Variants in POF1B observed in about 807,000 individuals in gnomAD.
POF1B encodes the protein POF1B actin binding protein.
POF1B carries 53 observed loss-of-function variants against 55.3 expected under a neutral mutation model. That is an observed-to-expected ratio of 0.96 (90% CI 0.77 to 1.20). POF1B has a LOEUF of 1.20. POF1B is among the 50% of genes most tolerant of loss of function. The pLI, the probability that POF1B is intolerant of heterozygous loss-of-function variation, is 0.00. For missense variants in POF1B, 478 were observed against 420.5 expected (o/e 1.14, Z -1.20); for synonymous variants, 188 against 148.3 (o/e 1.27, Z -1.95).
rs548655630 is a variant in POF1B at position 85,372,669 on chromosome X, C to T, written c.283-4903G>A. Among the ~76,000 whole-genome samples the T allele has an allele frequency of 2.6e-3, 274 of 105,077 alleles. 1 individual carries two copies. The highest frequency in any genetic ancestry group is 4.7e-3 in the Non-Finnish European group (242 of 51,543). 91.2% of individuals were successfully genotyped at this position (105,077 alleles called of 115,157 possible). On this transcript the variant is annotated intron_variant, in intron 2 of 16. Coordinates refer to ENST00000262753, the MANE Select transcript of POF1B (RefSeq NM_024921.4). Reference sequence around the variant, plus strand: ...AGCAAACCACCATTGCCCGTTTATACCTATGTAACAAAACTGCCCTTTCTG... The same window carrying T: ...AGCAAACCACCATTGCCCGTTTATATCTATGTAACAAAACTGCCCTTTCTG...
Position 85,379,482 on chromosome X carries a change from C to T in POF1B, c.-28G>A, listed in dbSNP as rs1170512367. Reference sequence around the variant, plus strand: ...TCTTCCAGTGGTCAGCAAGGGACCTCCCAGATGTTCTACCTAAGGAACAAA... The same window carrying T: ...TCTTCCAGTGGTCAGCAAGGGACCTTCCAGATGTTCTACCTAAGGAACAAA... On this transcript the variant is annotated 5_prime_UTR_variant, in exon 2 of 17. Transcript: ENST00000262753. 8.4e-7 allele frequency: 1 copy of T among 1,194,177 alleles called. No homozygotes were observed. Among genetic ancestry groups the T allele is most frequent in the Non-Finnish European group, 1.1e-6 (1 of 887,326 alleles).
chrX:85,356,010 A>G (rs1293400446), intron 4 of POF1B, among the ~76,000 whole-genome samples: 4 of 111,370 alleles, frequency 3.6e-5, no homozygotes, highest in Non-Finnish European at 7.5e-5. Context: ...ACATGCACAC[A>G]TATGTTTATT....
intron 7 of POF1B, among the ~76,000 whole-genome samples, chrX:85,327,763 A>T (rs1292810353): frequency 8.9e-6 from 1 of 112,394 alleles, no homozygotes; most frequent in African/African-American, 3.2e-5. Flanking sequence ...TTTGCATTTA[A>T]AAGATACTAA....
chrX:85,294,507 G>T (rs1427729408), intron 15 of POF1B, among the ~76,000 whole-genome samples: 3 of 111,851 alleles, frequency 2.7e-5, no homozygotes, highest in African/African-American at 6.5e-5. Flanking sequence ...TGCTTATGTG[G>T]TGAATCACAT....
At chrX:85,369,505 T>A (rs1464012867) in intron 2 of POF1B, among the ~76,000 whole-genome samples, 2 of 111,809 alleles carry the variant, frequency 1.8e-5, no homozygotes, top group African/African-American at 6.5e-5. Context: ...TTTACATATA[T>A]ACCTATGTAT....
At chrX:85,335,371 G>A (rs1454138195) in intron 6 of POF1B, among the ~76,000 whole-genome samples, 1 of 111,336 alleles carries the variant, frequency 9.0e-6, no homozygotes, top group Non-Finnish European at 1.9e-5. Flanking sequence ...TGTGGTGACA[G>A]TTTTGGATGT....
intron 4 of POF1B, among the ~76,000 whole-genome samples, chrX:85,357,516 T>C (rs138184312): frequency 1.8e-5 from 2 of 111,189 alleles, no homozygotes; most frequent in East Asian, 5.7e-4. Context: ...CCTCCATAAG[T>C]ATACCAAAAC....
At chrX:85,315,897 A>T (rs1370650483) in intron 7 of POF1B, among the ~76,000 whole-genome samples, 163 bp from the exon 8 acceptor site, 3 of 111,672 alleles carry the variant, frequency 2.7e-5, no homozygotes, top group African/African-American at 9.7e-5. Context: ...TGGCACTTTT[A>T]CTTAGTTTGA....
intron 6 of POF1B, among the ~76,000 whole-genome samples, chrX:85,336,550 G>A (rs1340930494): frequency 9.0e-6 from 1 of 111,132 alleles, no homozygotes; most frequent in African/African-American, 3.3e-5. Flanking sequence ...GCATTTCTCT[G>A]ATGATCAATG....
chrX:85,328,881 A>G (rs190252979), intron 7 of POF1B, among the ~76,000 whole-genome samples: 2 of 110,445 alleles, frequency 1.8e-5, no homozygotes, highest in Admixed American at 9.6e-5. Flanking sequence ...TGTGACATGA[A>G]CCCAGGATAT....
chrX:85,347,148 C>T (rs187353294), intron 5 of POF1B, among the ~76,000 whole-genome samples: 1 of 111,006 alleles, frequency 9.0e-6, no homozygotes, highest in East Asian at 2.9e-4. Context: ...GCTTTCTTAT[C>T]TTGTGATTAT....
intron 4 of POF1B, among the ~76,000 whole-genome samples, chrX:85,359,215 T>C (rs757487775): frequency 9.0e-6 from 1 of 111,316 alleles, no homozygotes; most frequent in East Asian, 2.8e-4. Flanking sequence ...AGCTTTTATG[T>C]GAAGCTTGTA....
At chrX:85,367,787 G>A in intron 2 of POF1B, 21 bp from the exon 3 acceptor site, 1 of 1,015,755 alleles carries the variant, frequency 9.8e-7, no homozygotes, top group Non-Finnish European at 1.3e-6. Context: ...AAACAAAAGG[G>A]AGTTCAGAAA....
chrX:85,297,739 CTT>C (rs1443561890), intron 15 of POF1B, among the ~76,000 whole-genome samples: 3 of 111,789 alleles, frequency 2.7e-5, no homozygotes, highest in African/African-American at 9.8e-5. Context: ...GGTAGCCCCA[CTT>C]GATCACTGGC....
intron 2 of POF1B, 46 bp from the exon 3 acceptor site, chrX:85,367,812 T>A (rs1933753413): frequency 1.2e-6 from 1 of 831,308 alleles, no homozygotes; most frequent in Non-Finnish European, 1.7e-6. Flanking sequence ...TTGAAAGTCT[T>A]AAGTTCTCAT....
intron 3 of POF1B, among the ~76,000 whole-genome samples, chrX:85,365,324 C>A (rs750403711): frequency 1.8e-5 from 2 of 111,873 alleles, no homozygotes; most frequent in East Asian, 5.6e-4. Context: ...AGGACATAAG[C>A]CACTCTGGCC....
chrX:85,371,441 A>T (rs944994031), intron 2 of POF1B, among the ~76,000 whole-genome samples: 1 of 111,375 alleles, frequency 9.0e-6, no homozygotes, highest in Non-Finnish European at 1.9e-5. Flanking sequence ...CATAAAGAAG[A>T]TACTATTATA....
chrX:85,370,469 T>C (rs1013535198), intron 2 of POF1B, among the ~76,000 whole-genome samples: 15 of 111,881 alleles, frequency 1.3e-4, no homozygotes, highest in Non-Finnish European at 2.8e-4. Flanking sequence ...CATTAAGATG[T>C]AGCTTAATAT....
chrX:85,323,018 A>C (rs1213722362), intron 7 of POF1B, among the ~76,000 whole-genome samples: 1 of 110,389 alleles, frequency 9.1e-6, no homozygotes, highest in Non-Finnish European at 1.9e-5. Flanking sequence ...TAGTTCAACC[A>C]TTGTGGAAGT....
Sources: allele counts gnomAD v4.1 joint callset (sites outside exome capture counted in the v4.1 genomes callset), GRCh38; gene constraint gnomAD v4.1.1; transcripts MANE v1.5; gene names NCBI Gene and HGNC (gene_info 2026-07-23, HGNC 2026-07-21).